The following E2F3 variants were observed in gnomAD, a reference collection of about 807,000 sequenced individuals.
E2F3 encodes the protein transcription factor E2F3.
A neutral mutation model predicts 44.4 loss-of-function variants in E2F3; 11 were observed. That is an observed-to-expected ratio of 0.25 (90% CI 0.16 to 0.41). The LOEUF is 0.41. Ranked by LOEUF, E2F3 falls within the 10% of genes least tolerant of loss-of-function variation. The pLI, the probability that E2F3 is intolerant of heterozygous loss-of-function variation, is 1.00. For missense variants in E2F3, 487 were observed against 583.6 expected (o/e 0.83, Z 1.70); for synonymous variants, 249 against 253.0 (o/e 0.98, Z 0.15).
At chr6:20,407,435 A>G (rs116829841) in intron 1 of E2F3, among the ~76,000 whole-genome samples, 1,525 of 152,296 alleles carry the variant, frequency 0.01, 21 homozygotes, top group African/African-American at 0.034. Context: ...CACCTTGTGT[A>G]TTACTTGGAA....
intron 1 of E2F3, among the ~76,000 whole-genome samples, chr6:20,440,470 A>G (rs1188219899): frequency 6.6e-6 from 1 of 152,158 alleles, no homozygotes; most frequent in African/African-American, 2.4e-5. Flanking sequence ...TTGGCTCCCG[A>G]GTATTTAGAG....
At chr6:20,452,703 A>G (rs1001505430) in intron 1 of E2F3, among the ~76,000 whole-genome samples, 13 of 152,238 alleles carry the variant, frequency 8.5e-5, no homozygotes, top group Middle Eastern at 3.4e-3. Flanking sequence ...TAATCCCAGC[A>G]CTTTGGGAGG....
At chr6:20,488,475 A>G (rs1317921680) in intron 6 of E2F3, among the ~76,000 whole-genome samples, 2 of 152,120 alleles carry the variant, frequency 1.3e-5, no homozygotes, top group African/African-American at 2.4e-5. Flanking sequence ...ATTGGCAGAG[A>G]ATGTTTCCTT....
intron 1 of E2F3, among the ~76,000 whole-genome samples, chr6:20,409,850 T>G (rs1759612652): frequency 6.6e-6 from 1 of 152,196 alleles, no homozygotes. Context: ...ATATATGGCT[T>G]ATCTGTAATC....
At chr6:20,422,768 AT>A (rs1292865116) in intron 1 of E2F3, among the ~76,000 whole-genome samples, 7 of 152,216 alleles carry the variant, frequency 4.6e-5, no homozygotes, top group African/African-American at 1.7e-4. Flanking sequence ...ATGGCTATCA[AT>A]TAAGTTTGCC....
chr6:20,463,855 A>G (rs1035450227), intron 1 of E2F3, among the ~76,000 whole-genome samples: 2 of 152,070 alleles, frequency 1.3e-5, no homozygotes, highest in African/African-American at 2.4e-5. Flanking sequence ...CCCCACTTCC[A>G]ATGCCAGTCG....
chr6:20,486,944 A>G (rs888514269), intron 5 of E2F3, 141 bp downstream of exon 5: 3 of 587,992 alleles, frequency 5.1e-6, no homozygotes, highest in Admixed American at 6.9e-5. Context: ...TTAACCATAC[A>G]TTTGAAAACA....
At chr6:20,447,212 G>A (rs1000700456) in intron 1 of E2F3, among the ~76,000 whole-genome samples, 1 of 152,160 alleles carries the variant, frequency 6.6e-6, no homozygotes, top group Non-Finnish European at 1.5e-5. Context: ...AGTGCTGGGC[G>A]TTCTGCAGCT....
chr6:20,464,355 G>A (rs537000206), intron 1 of E2F3, among the ~76,000 whole-genome samples: 10 of 152,306 alleles, frequency 6.6e-5, no homozygotes, highest in Admixed American at 2.0e-4. Flanking sequence ...CCAGAGTCAG[G>A]CCTAAGGGGG....
At chr6:20,485,961 T>A (rs189246058) in intron 4 of E2F3, among the ~76,000 whole-genome samples, 11 of 152,142 alleles carry the variant, frequency 7.2e-5, no homozygotes, top group Non-Finnish European at 1.6e-4. Flanking sequence ...TAATAGAGAT[T>A]ACATTTTTTT....
chr6:20,433,511 C>T (rs1760473261), intron 1 of E2F3, among the ~76,000 whole-genome samples: 1 of 152,118 alleles, frequency 6.6e-6, no homozygotes, highest in Admixed American at 6.5e-5. Context: ...TTGACTGTCA[C>T]CCATAGAAAT....
chr6:20,486,839 C>CT, intron 5 of E2F3, 36 bp downstream of exon 5: 1 of 1,381,700 alleles, frequency 7.2e-7, no homozygotes, highest in Non-Finnish European at 1.0e-6. Context: ...CTGCAAAGAT[C>CT]TTTGTGGAAT....
chr6:20,468,061 A>G (rs1192063457), intron 1 of E2F3, among the ~76,000 whole-genome samples: 1 of 152,210 alleles, frequency 6.6e-6, no homozygotes, highest in East Asian at 1.9e-4. Context: ...GGTTTCTCCC[A>G]CTATTTTCGC....
At chr6:20,422,115 G>C (rs1265114519) in intron 1 of E2F3, among the ~76,000 whole-genome samples, 6 of 152,206 alleles carry the variant, frequency 3.9e-5, no homozygotes, top group Non-Finnish European at 7.3e-5. Flanking sequence ...GTTTAGGGTA[G>C]CCACTTTCAT....
intron 1 of E2F3, among the ~76,000 whole-genome samples, chr6:20,453,617 G>A (rs193286117): frequency 7.6e-4 from 115 of 152,182 alleles, no homozygotes; most frequent in Middle Eastern, 3.4e-3. Context: ...TCGCTACATT[G>A]TCCAGGCTGG....
In E2F3 at chr6:20,481,369, C is replaced by T. The variant is rs201376251; in HGVS notation, c.669C>T (p.Asn223=). 139 of 1,614,066 alleles carry T rather than the reference C, an allele frequency of 8.6e-5. No homozygotes were observed. The highest frequency in any genetic ancestry group is 3.3e-4 in the Admixed American group (20 of 60,006). The change falls in exon 3 of 7, where the codon AAC becomes AAT. Residue 223 remains asparagine (N), a synonymous_variant. Coordinates refer to ENST00000346618, the MANE Select transcript of E2F3 (RefSeq NM_001949.5). Reference sequence around the variant, plus strand: ...AGAGAAGGATTTATGATATCACCAACGTTCTGGAAGGCATCCACCTCATTA... The same window carrying T: ...AGAGAAGGATTTATGATATCACCAATGTTCTGGAAGGCATCCACCTCATTA... The part of the protein sequence containing the change: ...VQKRRIYDIT[N]VLEGIHLIKK...
In E2F3 at chr6:20,491,378, A is replaced by G. The variant is rs1432552405; in HGVS notation, c.*948A>G. ...AACCTCTACTGATCAGAGCATCTAAACCTGTGTGATCTAAGGTTTATCAGC... is the reference window on the plus strand; with the variant it reads ...AACCTCTACTGATCAGAGCATCTAAGCCTGTGTGATCTAAGGTTTATCAGC... On this transcript the variant is annotated 3_prime_UTR_variant, in exon 7 of 7. Transcript: ENST00000346618. The G allele has an allele frequency of 8.8e-6, 2 of 227,280 alleles. No individual in the cohort carries two copies. The highest frequency in any genetic ancestry group is 1.8e-5 in the Non-Finnish European group (2 of 114,118). 14.1% of individuals were successfully genotyped at this position (227,280 alleles called of 1,614,324 possible). A position where few individuals can be genotyped will look rare whatever the true frequency, so the allele number is the denominator to read the frequency against.
At chr6:20,432,287 G>T (rs1453939426) in intron 1 of E2F3, among the ~76,000 whole-genome samples, 7 of 152,188 alleles carry the variant, frequency 4.6e-5, no homozygotes, top group Non-Finnish European at 2.9e-5. Flanking sequence ...TTGGGGAGGG[G>T]GGTCTGTGAA....
intron 1 of E2F3, among the ~76,000 whole-genome samples, chr6:20,414,704 TAA>T: frequency 6.6e-6 from 1 of 152,208 alleles, no homozygotes; most frequent in Non-Finnish European, 1.5e-5. Context: ...ACTAATAACA[TAA>T]AGTTTCCCAC....
Sources: allele counts gnomAD v4.1 joint callset (sites outside exome capture counted in the v4.1 genomes callset), GRCh38; gene constraint gnomAD v4.1.1; transcripts MANE v1.5; gene names NCBI Gene and HGNC (gene_info 2026-07-23, HGNC 2026-07-21).